STK3: variants seen among roughly 807,000 people sequenced by gnomAD.
STK3 encodes the protein serine/threonine kinase 3.
Under a neutral mutation model 58.0 loss-of-function variants are expected in STK3, and 41 were observed. The observed-to-expected ratio is 0.71, with a 90% CI of 0.55 to 0.92. STK3 has a LOEUF of 0.92. Ranked by LOEUF, STK3 falls within the 40% of genes least tolerant of loss-of-function variation. The probability of loss-of-function intolerance (pLI) is 0.00; values close to 1 mark genes in which losing one functional copy is unlikely to be tolerated. For synonymous variants in STK3, 170 were observed against 191.0 expected (o/e 0.89, Z 0.91); for missense variants, 479 against 602.7 (o/e 0.79, Z 2.15).
intron 7 of STK3, among the ~76,000 whole-genome samples, chr8:98,585,192 A>T (rs1373360410): frequency 6.6e-6 from 1 of 151,756 alleles, no homozygotes; most frequent in Non-Finnish European, 1.5e-5. Flanking sequence ...CTGAATGGTA[A>T]TGCCTAGGTT....
upstream of STK3, among the ~76,000 whole-genome samples, chr8:98,391,023 A>G (rs567258377): frequency 3.4e-4 from 52 of 152,312 alleles, 1 homozygote; most frequent in South Asian, 9.9e-3. Flanking sequence ...ACTCTGTGTC[A>G]TCTAAGCATT....
chr8:98,583,851 G>A (rs1234672930), intron 7 of STK3, among the ~76,000 whole-genome samples: 1 of 151,498 alleles, frequency 6.6e-6, no homozygotes, highest in Non-Finnish European at 1.5e-5. Context: ...GTGTATGTGT[G>A]TGTGTGTGTG....
rs1270090096 is a variant in STK3 at position 98,455,127 on chromosome 8, A to T, written c.*715T>A. The T allele has an allele frequency of 6.6e-6, 1 of 152,612 alleles. No homozygotes were observed. The highest frequency in any genetic ancestry group is 6.5e-5 in the Admixed American group (1 of 15,276). The allele number at this position is 152,612 out of a possible 1,614,324, so 9.5% of individuals were successfully genotyped here. ...TGATTTCTTTGGTTTTAAACACGAT[A>T]GATCTATTTTACCTAAATATATATA... On this transcript the variant is annotated 3_prime_UTR_variant, in exon 11 of 11. Coordinates refer to ENST00000419617, the MANE Select transcript of STK3 (RefSeq NM_006281.4).
rs539344740 is a variant in STK3, at chr8:98,407,755, T to TGC, written n.484-6243_484-6242insGC. On this transcript the variant is annotated intron_variant and non_coding_transcript_variant, in intron 3 of 3. Transcript: ENST00000517832. ...GTGTGTGTGTGTGTGTGTGTGTGTG[T>TGC]GTGCGCGCGCGCGCGCATGCATGGT... 5.3e-3 allele frequency among the ~76,000 whole-genome samples: 546 copies of TGC among 102,960 alleles called. 5 individuals are homozygous for TGC. Among genetic ancestry groups the TGC allele is most frequent in the African/African-American group, 0.015 (492 of 32,760 alleles). The allele number at this position is 102,960 out of a possible 152,430, so 67.5% of individuals were successfully genotyped here.
intron 9 of STK3, among the ~76,000 whole-genome samples, chr8:98,544,229 C>T (rs546552809): frequency 1.3e-5 from 2 of 152,220 alleles, no homozygotes; most frequent in East Asian, 3.9e-4. Flanking sequence ...TAGCATTTCC[C>T]AAAATGTGTT....
chr8:98,396,286 T>C (rs1454756907), intron 3 of STK3, among the ~76,000 whole-genome samples: 2 of 152,268 alleles, frequency 1.3e-5, no homozygotes, highest in Non-Finnish European at 2.9e-5. Context: ...TAATGCTATG[T>C]ATATCCAAAA....
chr8:98,481,900 T>A lies in STK3; in HGVS notation c.1318-25900A>T, dbSNP rs534151027. Among the ~76,000 whole-genome samples, 4 of 152,258 alleles carry A rather than the reference T, an allele frequency of 2.6e-5. No individual in the cohort carries two copies. The South Asian group carries it at 8.3e-4, about 32-fold the overall frequency. On this transcript the variant is annotated intron_variant, in intron 10 of 10. Coordinates refer to ENST00000419617, the MANE Select transcript of STK3 (RefSeq NM_006281.4). ...GACTTCTCCTTTACTTGTCACTTAGTAACCTTCTATACTAAAAAAATTTAG... is the reference window on the plus strand; with the variant it reads ...GACTTCTCCTTTACTTGTCACTTAGAAACCTTCTATACTAAAAAAATTTAG...
At chr8:98,869,536 G>A (rs1312596936) in intron 3 of STK3, among the ~76,000 whole-genome samples, 2 of 152,130 alleles carry the variant, frequency 1.3e-5, no homozygotes, top group East Asian at 3.9e-4. Flanking sequence ...GGCAGAAGGA[G>A]ATTTGAGAAA....
At chr8:98,492,845 C>T (rs1822806378) in intron 10 of STK3, among the ~76,000 whole-genome samples, 1 of 152,062 alleles carries the variant, frequency 6.6e-6, no homozygotes, top group Admixed American at 6.6e-5. Context: ...TGCTCTAGGT[C>T]CCATCCCCTC....
chr8:98,794,941 C>A (rs927009470), intron 1 of STK3, among the ~76,000 whole-genome samples: 1 of 151,090 alleles, frequency 6.6e-6, no homozygotes, highest in African/African-American at 2.4e-5. Flanking sequence ...GTGGTGCATG[C>A]CTGTAATCCC....
In STK3 at chr8:98,840,624, TATATAC is replaced by T. The variant is rs1835943169; in HGVS notation, c.110+43017_110+43022del. The stretch of plus-strand genomic sequence containing the variant: ...ATATATATATATATATATATATATA[TATATAC>T]ACACACATACGTTTTATATATATTT... On this transcript the variant is annotated intron_variant, in intron 3 of 12. Coordinates refer to the STK3 transcript ENST00000523601. Among the ~76,000 whole-genome samples, 4 of 132,208 alleles carry T rather than the reference TATATAC, an allele frequency of 3.0e-5. No individual in the cohort carries two copies. The South Asian group carries it at 9.6e-4, about 32-fold the overall frequency. 86.7% of individuals were successfully genotyped at this position (132,208 alleles called of 152,430 possible).
intron 10 of STK3, among the ~76,000 whole-genome samples, chr8:98,465,656 T>C (rs1414382496): frequency 6.6e-6 from 1 of 152,172 alleles, no homozygotes; most frequent in Non-Finnish European, 1.5e-5. Flanking sequence ...ACAAAACCAA[T>C]AAAACATGTC....
intron 2 of STK3, among the ~76,000 whole-genome samples, chr8:98,373,854 C>A (rs892603255): frequency 1.3e-5 from 2 of 152,186 alleles, no homozygotes; most frequent in African/African-American, 4.8e-5. Context: ...AGTCACACAA[C>A]TAGTAAGTAG....
intron 1 of STK3, among the ~76,000 whole-genome samples, chr8:98,931,134 C>A (rs1325163685): frequency 2.0e-5 from 3 of 152,100 alleles, no homozygotes; most frequent in African/African-American, 7.2e-5. Context: ...AACCACTGAC[C>A]CCACTCCACT....
intron 7 of STK3, among the ~76,000 whole-genome samples, chr8:98,589,483 A>C (rs1331796441): frequency 6.6e-6 from 1 of 152,192 alleles, no homozygotes; most frequent in African/African-American, 2.4e-5. Context: ...ATACTGGGAG[A>C]ACCACTGCTC....
At chr8:98,863,453 G>A (rs962261923) in intron 3 of STK3, among the ~76,000 whole-genome samples, 7 of 152,046 alleles carry the variant, frequency 4.6e-5, no homozygotes, top group Non-Finnish European at 8.8e-5. Flanking sequence ...GATAACAGTA[G>A]CATCTACCTC....
chr8:98,363,810 C>T, the STK3 span, among the ~76,000 whole-genome samples: 3 of 152,074 alleles, frequency 2.0e-5, no homozygotes, highest in East Asian at 1.9e-4. Flanking sequence ...GTGATGTCAC[C>T]GCGGAGATTT....
chr8:98,781,709 T>A (rs1168269005), intron 1 of STK3, among the ~76,000 whole-genome samples: 1 of 152,138 alleles, frequency 6.6e-6, no homozygotes, highest in African/African-American at 2.4e-5. Context: ...GACAACTTGC[T>A]TAACTGCCTA....
intron 6 of STK3, among the ~76,000 whole-genome samples, chr8:98,697,226 T>C (rs1431046243): frequency 1.3e-5 from 2 of 152,174 alleles, no homozygotes; most frequent in Non-Finnish European, 2.9e-5. Context: ...TTTTTTATTG[T>C]GTCTATTTGA....
Sources: allele counts gnomAD v4.1 joint callset (sites outside exome capture counted in the v4.1 genomes callset), GRCh38; gene constraint gnomAD v4.1.1; transcripts MANE v1.5; gene names NCBI Gene and HGNC (gene_info 2026-07-23, HGNC 2026-07-21).